Variants in USF3 observed in about 807,000 individuals in gnomAD.
USF3 encodes basic helix-loop-helix domain-containing protein USF3.
In USF3, 29 loss-of-function variants were observed where a neutral mutation model predicts 157.5. The ratio of observed to expected loss-of-function variants is 0.18; its 90% CI spans 0.14 to 0.25. The LOEUF is 0.25. Ranked by LOEUF, USF3 falls within the 10% of genes least tolerant of loss-of-function variation. The pLI, the probability that USF3 is intolerant of heterozygous loss-of-function variation, is 1.00. For missense variants in USF3, 2,381 were observed against 2,667.6 expected, an observed-to-expected ratio of 0.89 and a Z score of 2.37; for synonymous variants, 893 against 941.4, an observed-to-expected ratio of 0.95 and a Z score of 0.94.
chr3:113,659,178 G>T lies in USF3; in HGVS notation c.2504C>A (p.Pro835His). The change falls in exon 7 of 7, where the codon CCC becomes CAC. Residue 835 changes from proline (P) to histidine (H), a missense_variant. Coordinates refer to ENST00000316407, the MANE Select transcript of USF3 (RefSeq NM_001009899.4). ...GCTTTCTAGCAGTCCATCATTACAG[G>T]GTGGCTCTGCTGAGCCTTCAGTGTT... ...CPNTEGSAEP[P>H]CNDGLLESFP... 14 of 1,614,166 alleles carry T rather than the reference G, an allele frequency of 8.7e-6. No homozygotes were observed. Among genetic ancestry groups the T allele is most frequent in the Non-Finnish European group, 1.1e-5 (13 of 1,180,022 alleles).
At chr3:113,680,331 T>A (rs1047841811) in intron 1 of USF3, among the ~76,000 whole-genome samples, 1 of 152,066 alleles carries the variant, frequency 6.6e-6, no homozygotes, top group Non-Finnish European at 1.5e-5. Context: ...TTTTGGTAGG[T>A]TGTATGTGTC....
Position 113,659,287 on chromosome 3 carries a change from G to A in USF3, c.2395C>T (p.Pro799Ser). ...GCTGCTAAGTGTTTCCTGCCACCTGGCTTCTTATTCAACCTTTTAGATTTC... is the reference window on the plus strand; with the variant it reads ...GCTGCTAAGTGTTTCCTGCCACCTGACTTCTTATTCAACCTTTTAGATTTC... ...NMKSKRLNKK[P>S]GGRKHLAANK... is the part of the protein sequence containing the mutation. The change falls in exon 7 of 7, where the codon CCA becomes TCA. Residue 799 changes from proline to serine, a missense_variant. Transcript: ENST00000316407. The A allele has an allele frequency of 6.2e-7, 1 of 1,614,146 alleles. No individual in the cohort carries two copies. The highest frequency in any genetic ancestry group is 8.5e-7 in the Non-Finnish European group (1 of 1,180,026).
chr3:113,657,162 T>C lies in USF3; in HGVS notation c.4520A>G (p.His1507Arg), dbSNP rs750169213. ...CAGAGTCCTCTGTTGGTGGACATTA[T>C]GGGGCTGAGAGTGGACAGAGCTCTC... The part of the protein sequence containing the change: ...HAESSVHSQP[H>R]NVHQQRTLQQ... The change falls in exon 7 of 7, where the codon CAT becomes CGT. Residue 1507 changes from histidine (H) to arginine (R), a missense_variant. Coordinates refer to ENST00000316407, the MANE Select transcript of USF3 (RefSeq NM_001009899.4). The C allele has an allele frequency of 7.4e-6, 12 of 1,614,172 alleles. No homozygotes were observed. The East Asian group carries it at 2.5e-4, about 33-fold the overall frequency.
rs1032774381 is a variant in USF3, at chr3:113,658,782, G to C, written c.2900C>G (p.Thr967Ser). The change falls in exon 7 of 7, where the codon ACT becomes AGT. Residue 967 changes from threonine (T) to serine (S), a missense_variant. By Grantham distance (58) the Thr-to-Ser change is moderately conservative. Transcript: ENST00000316407. ...CTCAGAAACACAGTCAGTACTTGTA[G>C]TGCTTGTTGTAGATGACAAACCAGG... ...QVPGLSSTTS[T>S]TSTDCVSEVE... The C allele has an allele frequency of 1.9e-6, 3 of 1,614,018 alleles. No individual in the cohort carries two copies. Among genetic ancestry groups the C allele is most frequent in the Admixed American group, 1.7e-5 (1 of 60,000 alleles).
chr3:113,673,822 G>A (rs1317066407), intron 3 of USF3, among the ~76,000 whole-genome samples: 2 of 152,228 alleles, frequency 1.3e-5, no homozygotes, highest in Non-Finnish European at 2.9e-5. Context: ...AATCCCTAGG[G>A]AGGGAGATGT....
intron 1 of USF3, among the ~76,000 whole-genome samples, chr3:113,678,648 A>C (rs1183622737): frequency 6.6e-6 from 1 of 151,682 alleles, no homozygotes; most frequent in Non-Finnish European, 1.5e-5. Context: ...CTGTCCACTT[A>C]ATAATTAGCT....
At position 113,664,360 on chromosome 3, in the gene USF3, T is replaced by C; in HGVS notation, c.209A>G (p.Lys70Arg). ...AAGCAGGAGTTCATCATTTTGCCTT[T>C]TCAATTCTGTTATATATTTAAAGGC... ...DQAFKYITEL[K>R]RQNDELLLNG... The change falls in exon 6 of 7, where the codon AAA (lysine) becomes AGA (arginine). Residue 70 changes from lysine to arginine, a missense_variant. By Grantham distance (26) the Lys-to-Arg change is conservative. Transcript: ENST00000316407. 2 of 1,610,778 alleles carry C rather than the reference T, an allele frequency of 1.2e-6. No homozygotes were observed. The highest frequency in any genetic ancestry group is 1.7e-6 in the Non-Finnish European group (2 of 1,177,908).
chr3:113,658,255 G>A lies in USF3; in HGVS notation c.3427C>T (p.Gln1143Ter). Residue 1143 changes from glutamine to a stop codon, truncating the protein, a stop_gained, in exon 7 of 7, where the codon CAG becomes TAG. Coordinates refer to ENST00000316407, the MANE Select transcript of USF3 (RefSeq NM_001009899.4). LOFTEE classifies it high-confidence loss of function. ...VALAARAIFD[Q>*]ENLEKGRVGL... is the part of the protein sequence containing the mutation. Reference sequence around the variant, plus strand: ...ACTCTCCCCTTCTCAAGGTTCTCCTGGTCAAAAATAGCTCTTGCTGCAAGA... The same window carrying A: ...ACTCTCCCCTTCTCAAGGTTCTCCTAGTCAAAAATAGCTCTTGCTGCAAGA... The A allele has an allele frequency of 6.2e-7, 1 of 1,614,008 alleles. No individual in the cohort carries two copies. The highest frequency in any genetic ancestry group is 8.5e-7 in the Non-Finnish European group (1 of 1,179,976).
At chr3:113,671,503 T>A (rs1707151880) in intron 4 of USF3, among the ~76,000 whole-genome samples, 1 of 152,176 alleles carries the variant, frequency 6.6e-6, no homozygotes, top group South Asian at 2.1e-4. Context: ...GTTACAAATT[T>A]AAAAGGGGTC....
At position 113,659,118 on chromosome 3, in the gene USF3, T is replaced by C. The variant is rs769452839; in HGVS notation, c.2564A>G (p.Gln855Arg). 6 of 1,614,198 alleles carry C rather than the reference T, an allele frequency of 3.7e-6. No individual in the cohort carries two copies. Among genetic ancestry groups the C allele is most frequent in the South Asian group, 2.2e-5 (2 of 91,080 alleles). Residue 855 changes from glutamine to arginine, a missense_variant, in exon 7 of 7, where the codon CAG becomes CGG. Physicochemically the swap from Gln to Arg is conservative, Grantham distance 43. This residue lies in a region of USF3 where 1,435 missense variants were observed against 1,550.9 expected (regional missense o/e 0.93). Transcript: ENST00000316407. The part of the protein sequence containing the change: ...PAVLPSVSVS[Q>R]ANSVSVSASH... ...AGCAGAAACACTCACACTATTTGCCTGAGACACAGAGACAGATGGTAACAC... is the reference window on the plus strand; with the variant it reads ...AGCAGAAACACTCACACTATTTGCCCGAGACACAGAGACAGATGGTAACAC...
intron 5 of USF3, among the ~76,000 whole-genome samples, chr3:113,667,930 T>C (rs1178287522): frequency 1.3e-5 from 2 of 151,774 alleles, no homozygotes; most frequent in African/African-American, 2.4e-5. Context: ...GTCCATCCTA[T>C]AGGGAAGAAA....
Position 113,655,506 on chromosome 3 carries a change from A to G in USF3, c.6176T>C (p.Leu2059Pro). ...NDNSGPDQHT[L>P]SQNFGFSFIP... ...AAAAGAAAAACCAAAATTTTGTGAT[A>G]GTGTATGCTGGTCAGGACCTGAATT... The change falls in exon 7 of 7, where the codon CTA becomes CCA. Residue 2059 changes from leucine to proline, a missense_variant. Physicochemically the swap from Leu to Pro is moderately conservative, Grantham distance 98 (BLOSUM62 -3). This residue lies in a region of USF3 where 770 missense variants were observed against 824.2 expected (regional missense o/e 0.93). Coordinates refer to ENST00000316407, the MANE Select transcript of USF3 (RefSeq NM_001009899.4). 1 of 1,614,134 alleles carries G rather than the reference A, an allele frequency of 6.2e-7. No homozygotes were observed. The highest frequency in any genetic ancestry group is 8.5e-7 in the Non-Finnish European group (1 of 1,180,012).
intron 1 of USF3, among the ~76,000 whole-genome samples, 179 bp downstream of exon 1, chr3:113,696,191 A>G (rs1367166922): frequency 6.6e-6 from 1 of 152,168 alleles, no homozygotes; most frequent in African/African-American, 2.4e-5. Flanking sequence ...CTGACGCCCC[A>G]CCAGGTGCCG....
intron 2 of USF3, among the ~76,000 whole-genome samples, chr3:113,675,238 G>A (rs1028847358): frequency 1.3e-5 from 2 of 152,182 alleles, no homozygotes; most frequent in Non-Finnish European, 2.9e-5. Context: ...GAGCATAGTT[G>A]AGTTGGGAGA....
At chr3:113,674,003 G>A (rs1707221803) in intron 3 of USF3, among the ~76,000 whole-genome samples, 1 of 152,120 alleles carries the variant, frequency 6.6e-6, no homozygotes, top group Non-Finnish European at 1.5e-5. Context: ...ATAGCTATTT[G>A]GTAAGGAAAG....
At position 113,686,099 on chromosome 3, in the gene USF3, A is replaced by C. The variant is rs1301388229; in HGVS notation, c.-134-8702T>G. On this transcript the variant is annotated intron_variant, in intron 1 of 6. Transcript: ENST00000316407. ...GGAATTGCAGGCCTTGTGGCCTTTC[A>C]AGTTCATTTAGAACTCCAGAGCACT... Among the ~76,000 whole-genome samples the C allele has an allele frequency of 3.9e-5, 6 of 152,130 alleles. 1 individual carries two copies. Among genetic ancestry groups the C allele is most frequent in the Non-Finnish European group, 8.8e-5 (6 of 68,024 alleles).
intron 5 of USF3, among the ~76,000 whole-genome samples, chr3:113,668,092 G>A (rs1261836849): frequency 1.3e-5 from 2 of 152,044 alleles, no homozygotes; most frequent in African/African-American, 4.8e-5. Context: ...GGAAGTGGCT[G>A]AAAGACTCCT....
intron 1 of USF3, among the ~76,000 whole-genome samples, chr3:113,684,137 T>C (rs1392901155): frequency 3.9e-5 from 6 of 152,232 alleles, no homozygotes; most frequent in Non-Finnish European, 7.3e-5. Flanking sequence ...TATTCTAGGA[T>C]AAAAGTCTTT....
Position 113,687,807 on chromosome 3 carries a change from G to A in USF3, c.-135+8563C>T, listed in dbSNP as rs377620318. Among the ~76,000 whole-genome samples the A allele has an allele frequency of 5.1e-4, 77 of 152,310 alleles. 1 individual carries two copies. The South Asian group carries it at 0.013, about 27-fold the overall frequency. On this transcript the variant is annotated intron_variant, in intron 1 of 6. Coordinates refer to ENST00000316407, the MANE Select transcript of USF3 (RefSeq NM_001009899.4). ...TCATACACATCCAAGGTCCTTTAAG[G>A]CAGGAACAACTTCGTCCTTTTATCC...
Sources: allele counts gnomAD v4.1 joint callset (sites outside exome capture counted in the v4.1 genomes callset), GRCh38; gene constraint gnomAD v4.1.1; regional missense constraint gnomAD v4.1.1; transcripts MANE v1.5; gene names NCBI Gene and HGNC (gene_info 2026-07-23, HGNC 2026-07-21).